The following LRRC4C variants were observed in gnomAD, a reference collection of about 807,000 sequenced individuals.
LRRC4C encodes the protein leucine rich repeat containing 4C.
In LRRC4C, 5 loss-of-function variants were observed where a neutral mutation model predicts 33.6. The ratio of observed to expected loss-of-function variants is 0.15; its 90% CI spans 0.08 to 0.31. The LOEUF is 0.31. Among genes scored for constraint, LRRC4C ranks in the 10% least tolerant of loss-of-function variants. The pLI is 1.00. For missense variants in LRRC4C, 560 were observed against 796.7 expected, an observed-to-expected ratio of 0.70 and a Z score of 3.58; for synonymous variants, 329 against 302.0, an observed-to-expected ratio of 1.09 and a Z score of -0.93.
At chr11:41,215,299 C>T (rs929380633) in intron 1 of LRRC4C, among the ~76,000 whole-genome samples, 9 of 151,534 alleles carry the variant, frequency 5.9e-5, no homozygotes, top group African/African-American at 2.2e-4. Flanking sequence ...ACCAGCCTGG[C>T]CAACATGGTG....
Position 40,779,452 on chromosome 11 carries a change from A to G in LRRC4C, c.-406-131174T>C, listed in dbSNP as rs180993069. 6.6e-4 allele frequency among the ~76,000 whole-genome samples: 100 copies of G among 152,316 alleles called. 1 individual carries two copies. In the East Asian group the frequency reaches 0.017, roughly 26 times the overall value. On this transcript the variant is annotated intron_variant, in intron 2 of 6. Transcript: ENST00000528697. ...ACATAATATATTGATTAATTGAAAT[A>G]TAAATCAGAGAAAACAAAAAATTAA...
chr11:40,759,492 A>C lies in LRRC4C; in HGVS notation c.-406-111214T>G, dbSNP rs547443803. Among the ~76,000 whole-genome samples the C allele has an allele frequency of 9.2e-5, 14 of 152,018 alleles. No individual in the cohort carries two copies. The East Asian group carries it at 2.7e-3, about 29-fold the overall frequency. ...TAGCCTAGTTCTAAGTACATGGGAGATATTCAGTACATATTTGAGTGAATA... is the reference window on the plus strand; with the variant it reads ...TAGCCTAGTTCTAAGTACATGGGAGCTATTCAGTACATATTTGAGTGAATA... On this transcript the variant is annotated intron_variant, in intron 2 of 6. Transcript: ENST00000528697.
chr11:40,611,947 G>T (rs112020231), intron 3 of LRRC4C, among the ~76,000 whole-genome samples: 211 of 151,766 alleles, frequency 1.4e-3, no homozygotes, highest in Middle Eastern at 3.4e-3. Context: ...TAAAAATAGT[G>T]CAGCCACTAT....
At chr11:40,730,078 G>T (rs969318007) in intron 2 of LRRC4C, among the ~76,000 whole-genome samples, 3 of 151,536 alleles carry the variant, frequency 2.0e-5, no homozygotes, top group Non-Finnish European at 4.4e-5. Flanking sequence ...ACACAGGAAG[G>T]GGAATATCAC....
chr11:40,585,212 T>C (rs1176616135), intron 3 of LRRC4C, among the ~76,000 whole-genome samples: 2 of 152,088 alleles, frequency 1.3e-5, no homozygotes, highest in East Asian at 3.9e-4. Flanking sequence ...TAGTGGAGAA[T>C]ATGAGCATTT....
At chr11:40,759,631 A>G (rs114222097) in intron 2 of LRRC4C, among the ~76,000 whole-genome samples, 52 of 152,068 alleles carry the variant, frequency 3.4e-4, no homozygotes, top group African/African-American at 1.2e-3. Flanking sequence ...AGCCTATTAC[A>G]CCAGTAATGA....
chr11:40,627,103 G>T (rs1236815857), intron 3 of LRRC4C, among the ~76,000 whole-genome samples: 9 of 148,394 alleles, frequency 6.1e-5, no homozygotes, highest in Non-Finnish European at 7.4e-5. Flanking sequence ...TGGTTGGTGG[G>T]GTGGGTCAGG....
At position 40,115,989 on chromosome 11, in the gene LRRC4C, A is replaced by G. The variant is rs1305396239; in HGVS notation, c.304T>C (p.Leu102=). The change falls in exon 7 of 7, where the codon TTG becomes CTG. Residue 102 remains leucine, a synonymous_variant. Coordinates refer to ENST00000528697, the MANE Select transcript of LRRC4C (RefSeq NM_001258419.2). This position sits in a 1 kb window ranked among gnomAD's most constrained non-coding sequence, Gnocchi z 6.7. ...KVNSFKHLRH[L]EILQLSRNHI... ...TTCCTACTCAACTGTAGGATTTCCAAGTGTCTCAAGTGCTTGAAGCTGTTC... is the reference window on the plus strand; with the variant it reads ...TTCCTACTCAACTGTAGGATTTCCAGGTGTCTCAAGTGCTTGAAGCTGTTC... The G allele has an allele frequency of 1.9e-6, 3 of 1,614,110 alleles. No individual in the cohort carries two copies. The East Asian group carries it at 6.7e-5, about 36-fold the overall frequency.
intron 5 of LRRC4C, among the ~76,000 whole-genome samples, chr11:40,173,963 C>T (rs4074148): frequency 0.076 from 11,613 of 152,186 alleles, 552 homozygotes; most frequent in South Asian, 0.14. Context: ...CCCTAAAGTT[C>T]AGGCCCGTTT....
chr11:40,536,266 T>C (rs200773457), intron 3 of LRRC4C, among the ~76,000 whole-genome samples: 1 of 152,270 alleles, frequency 6.6e-6, no homozygotes, highest in Admixed American at 6.5e-5. Flanking sequence ...TGATCTCAGC[T>C]CACTGCAACC....
rs540666366 is a variant in LRRC4C at position 40,641,613 on chromosome 11, C to CT, written c.-270+6528dup. On this transcript the variant is annotated intron_variant, in intron 3 of 6. Transcript: ENST00000528697. ...TTTATAATGTAGGTCAGAAAGAGGT[C>CT]TTTTTTTCTTTGCCTGTTATGAGCA... is the stretch of plus-strand genomic sequence containing the variant. Among the ~76,000 whole-genome samples, 7 of 152,252 alleles carry CT rather than the reference C, an allele frequency of 4.6e-5. No individual in the cohort carries two copies. The East Asian group carries it at 1.4e-3, about 29-fold the overall frequency.
At chr11:41,359,307 A>T (rs1428516647) in intron 1 of LRRC4C, among the ~76,000 whole-genome samples, 1 of 152,178 alleles carries the variant, frequency 6.6e-6, no homozygotes, top group Non-Finnish European at 1.5e-5. Flanking sequence ...AGTAAAATGT[A>T]CAATAGCAAG....
chr11:40,855,130 C>T (rs1953718040), intron 2 of LRRC4C, among the ~76,000 whole-genome samples: 1 of 152,132 alleles, frequency 6.6e-6, no homozygotes, highest in South Asian at 2.1e-4. Context: ...TTTTCAGTGT[C>T]CTCCAGCTGT....
intron 2 of LRRC4C, among the ~76,000 whole-genome samples, chr11:40,740,207 T>C (rs1277696881): frequency 6.6e-6 from 1 of 151,980 alleles, no homozygotes; most frequent in African/African-American, 2.4e-5. Context: ...CCTATGGTAG[T>C]ACTATTATTT....
At position 41,438,795 on chromosome 11, in the gene LRRC4C, T is replaced by C. The variant is rs928492296; in HGVS notation, c.-496+20636A>G. On this transcript the variant is annotated intron_variant, in intron 1 of 6. Coordinates refer to ENST00000528697, the MANE Select transcript of LRRC4C (RefSeq NM_001258419.2). ...TTTCTTCATTCATTCATTTAATATATATTGAATGAACACCTGAGGATCACA... is the reference window on the plus strand; with the variant it reads ...TTTCTTCATTCATTCATTTAATATACATTGAATGAACACCTGAGGATCACA... Among the ~76,000 whole-genome samples the C allele has an allele frequency of 3.3e-4, 51 of 152,346 alleles. 2 individuals carry two copies. Among genetic ancestry groups the C allele is most frequent in the Admixed American group, 2.4e-3 (37 of 15,298 alleles).
intron 2 of LRRC4C, among the ~76,000 whole-genome samples, chr11:40,779,210 G>A (rs1457045013): frequency 6.6e-6 from 1 of 152,014 alleles, no homozygotes; most frequent in Non-Finnish European, 1.5e-5. Flanking sequence ...AAAAAGAGAA[G>A]AGACTCAAAG....
chr11:41,348,883 C>T (rs1951884471), intron 1 of LRRC4C, among the ~76,000 whole-genome samples: 1 of 152,160 alleles, frequency 6.6e-6, no homozygotes, highest in East Asian at 1.9e-4. Flanking sequence ...GGGAGAACTT[C>T]CCAGATAGTT....
At chr11:41,424,321 A>T (rs1445076154) in intron 1 of LRRC4C, among the ~76,000 whole-genome samples, 1 of 152,040 alleles carries the variant, frequency 6.6e-6, no homozygotes, top group Non-Finnish European at 1.5e-5. Flanking sequence ...CAGTATCATA[A>T]CTCACAGGAA....
chr11:41,449,687 C>T (rs1199596463), intron 1 of LRRC4C, among the ~76,000 whole-genome samples: 1 of 151,280 alleles, frequency 6.6e-6, no homozygotes, highest in African/African-American at 2.4e-5. Context: ...AAGTGACTCT[C>T]TACTGGCCTC....
Sources: gnomAD v4.1 joint callset for allele counts (sites outside exome capture counted in the v4.1 genomes callset) on GRCh38, gnomAD v4.1.1 for gene constraint, Gnocchi (gnomAD v3.1) non-coding constraint, MANE v1.5 for transcripts, NCBI Gene and HGNC (gene_info 2026-07-23, HGNC 2026-07-21) for gene names.